Variants in PRKN observed in about 807,000 individuals in gnomAD.
The protein encoded by PRKN is E3 ubiquitin-protein ligase parkin.
In PRKN, 56 loss-of-function variants were observed where a neutral mutation model predicts 59.5. The observed-to-expected ratio is 0.94, with a 90% CI of 0.76 to 1.18. The LOEUF is 1.18. PRKN is among the 50% of genes most tolerant of loss of function. The pLI is 0.00. For missense variants in PRKN, 657 were observed against 596.4 expected, an observed-to-expected ratio of 1.10 and a Z score of -1.06; for synonymous variants, 250 against 222.1, an observed-to-expected ratio of 1.13 and a Z score of -1.12.
chr6:162,387,784 C>G (rs755045511), intron 2 of PRKN, among the ~76,000 whole-genome samples: 2 of 152,180 alleles, frequency 1.3e-5, no homozygotes, highest in African/African-American at 4.8e-5. Context: ...CTTTTCTTCA[C>G]CTTATTGCCA....
chr6:162,079,406 T>G (rs1195075694), intron 4 of PRKN, among the ~76,000 whole-genome samples: 1 of 152,144 alleles, frequency 6.6e-6, no homozygotes, highest in Admixed American at 6.5e-5. Flanking sequence ...TCCTCTTTTC[T>G]ATACCCAAAG....
chr6:162,116,840 A>G (rs74986430), intron 4 of PRKN, among the ~76,000 whole-genome samples: 3,284 of 152,304 alleles, frequency 0.022, 125 homozygotes, highest in African/African-American at 0.074. Flanking sequence ...AAATATGGGC[A>G]AATGTTGGAA....
At chr6:162,675,913 A>G (rs1779526865) in intron 1 of PRKN, among the ~76,000 whole-genome samples, 2 of 152,220 alleles carry the variant, frequency 1.3e-5, no homozygotes, top group African/African-American at 2.4e-5. Context: ...CTTATACACA[A>G]AAAGATTACT....
chr6:162,310,941 T>C (rs1259764933), intron 2 of PRKN, among the ~76,000 whole-genome samples: 1 of 152,096 alleles, frequency 6.6e-6, no homozygotes, highest in African/African-American at 2.4e-5. Flanking sequence ...TAACATTAAG[T>C]ATACCATCTT....
At chr6:162,047,465 T>C (rs533495191) in intron 5 of PRKN, among the ~76,000 whole-genome samples, 1 of 152,220 alleles carries the variant, frequency 6.6e-6, no homozygotes, top group East Asian at 1.9e-4. Context: ...CATTTGTGAC[T>C]ATCTCAGGGA....
chr6:161,900,139 TA>T (rs1020217683), intron 6 of PRKN, among the ~76,000 whole-genome samples: 2 of 151,338 alleles, frequency 1.3e-5, no homozygotes, highest in Non-Finnish European at 2.9e-5. Context: ...TAAAATAAAA[TA>T]AAAATATAGA....
At chr6:162,675,293 C>T (rs954532986) in intron 1 of PRKN, among the ~76,000 whole-genome samples, 46 of 152,076 alleles carry the variant, frequency 3.0e-4, no homozygotes, top group Non-Finnish European at 4.3e-4. Flanking sequence ...CATGATCCCC[C>T]CCGCCTCGGC....
chr6:162,127,155 T>C (rs975814493), intron 4 of PRKN, among the ~76,000 whole-genome samples: 2 of 152,242 alleles, frequency 1.3e-5, no homozygotes, highest in African/African-American at 4.8e-5. Context: ...CAGATAATCT[T>C]GGTGAACTTT....
intron 3 of PRKN, among the ~76,000 whole-genome samples, chr6:162,233,913 T>C (rs1218352054): frequency 2.6e-5 from 4 of 152,226 alleles, no homozygotes. Context: ...GCTCTTGGAC[T>C]TTCCAGCTTC....
At chr6:162,395,107 T>C (rs1337633799) in intron 2 of PRKN, among the ~76,000 whole-genome samples, 2 of 152,126 alleles carry the variant, frequency 1.3e-5, no homozygotes, top group Admixed American at 6.5e-5. Context: ...AAAAGAGATA[T>C]CCTGGCTGAG....
chr6:162,307,849 C>A (rs533296809), intron 2 of PRKN, among the ~76,000 whole-genome samples: 1 of 141,224 alleles, frequency 7.1e-6, no homozygotes, highest in Admixed American at 6.8e-5. Flanking sequence ...TCAGCTATTA[C>A]GATATAAAAA....
chr6:161,817,679 G>GC (rs200206928), intron 6 of PRKN, among the ~76,000 whole-genome samples: 2,884 of 152,246 alleles, frequency 0.019, 81 homozygotes, highest in African/African-American at 0.066. Flanking sequence ...ACTTGTCATT[G>GC]CATGTGGAAA....
intron 4 of PRKN, among the ~76,000 whole-genome samples, chr6:162,101,092 C>G (rs1779952128): frequency 6.6e-6 from 1 of 152,014 alleles, no homozygotes; most frequent in Non-Finnish European, 1.5e-5. Context: ...TTGATGCATT[C>G]CCACCTATTT....
chr6:161,367,124 G>A (rs1008753241), intron 10 of PRKN, among the ~76,000 whole-genome samples: 1 of 151,320 alleles, frequency 6.6e-6, no homozygotes, highest in African/African-American at 2.4e-5. Flanking sequence ...CCGAGTAGCT[G>A]GGACTACAGG....
intron 6 of PRKN, among the ~76,000 whole-genome samples, chr6:161,891,892 G>A (rs571311344): frequency 1.3e-5 from 2 of 152,296 alleles, no homozygotes; most frequent in African/African-American, 4.8e-5. Flanking sequence ...GCTGTTGCAC[G>A]CTTGTTAGAG....
chr6:162,103,392 C>A (rs1780059295), intron 4 of PRKN, among the ~76,000 whole-genome samples: 1 of 152,030 alleles, frequency 6.6e-6, no homozygotes, highest in African/African-American at 2.4e-5. Context: ...AAATCCCCAT[C>A]AATGTAATTT....
intron 3 of PRKN, among the ~76,000 whole-genome samples, chr6:162,238,172 T>G (rs1447225125): frequency 6.6e-6 from 1 of 152,218 alleles, no homozygotes; most frequent in Admixed American, 6.5e-5. Flanking sequence ...AATCATGGCA[T>G]GTGTATATGG....
intron 7 of PRKN, among the ~76,000 whole-genome samples, chr6:161,706,438 T>C (rs778579900): frequency 8.5e-5 from 13 of 152,200 alleles, no homozygotes; most frequent in Admixed American, 3.3e-4. Context: ...TCGGACACAC[T>C]GTCAAGCTTT....
chr6:162,260,765 T>C (rs890917319), intron 3 of PRKN, among the ~76,000 whole-genome samples: 2 of 152,184 alleles, frequency 1.3e-5, no homozygotes, highest in Admixed American at 6.5e-5. Flanking sequence ...AATATTCAGA[T>C]AATAAGTAAA....
Sources: gnomAD v4.1 joint callset for allele counts (sites outside exome capture counted in the v4.1 genomes callset) on GRCh38, gnomAD v4.1.1 for gene constraint, MANE v1.5 for transcripts, NCBI Gene and HGNC (gene_info 2026-07-23, HGNC 2026-07-21) for gene names.